The following MYO10 variants were observed in gnomAD, a reference collection of about 807,000 sequenced individuals.
MYO10 encodes unconventional myosin-X.
In MYO10, 133 loss-of-function variants were observed where a neutral mutation model predicts 257.3. The ratio of observed to expected loss-of-function variants is 0.52; its 90% CI spans 0.45 to 0.60. The LOEUF (loss-of-function observed/expected upper bound fraction) is 0.60. Among genes scored for constraint, MYO10 ranks in the 20% least tolerant of loss-of-function variants. The probability of loss-of-function intolerance (pLI) is 0.00; values close to 1 mark genes in which losing one functional copy is unlikely to be tolerated. For missense variants in MYO10, 2,399 were observed against 2,635.7 expected (o/e 0.91, Z 1.97); for synonymous variants, 1,104 against 1,028.6 (o/e 1.07, Z -1.40).
chr5:16,700,322 T>C (rs1461139817), intron 25 of MYO10, among the ~76,000 whole-genome samples: 1 of 152,070 alleles, frequency 6.6e-6, no homozygotes, highest in Non-Finnish European at 1.5e-5. Context: ...AAAAGTTCCA[T>C]TCAAATTGTA....
At chr5:16,818,240 G>T in intron 2 of MYO10, 73 bp from the exon 3 acceptor site, 1 of 1,267,906 alleles carries the variant, frequency 7.9e-7, no homozygotes, top group South Asian at 1.8e-5. Flanking sequence ...TTCCCAAACT[G>T]ACAATACAAT....
chr5:16,805,291 C>T (rs760647473), intron 3 of MYO10, among the ~76,000 whole-genome samples: 21 of 151,592 alleles, frequency 1.4e-4, no homozygotes, highest in Non-Finnish European at 2.4e-4. Context: ...GGTGAAACCC[C>T]GTCTCTACTA....
At chr5:16,909,250 C>T (rs1169202840) in intron 1 of MYO10, among the ~76,000 whole-genome samples, 4 of 151,880 alleles carry the variant, frequency 2.6e-5, no homozygotes, top group African/African-American at 7.3e-5. Flanking sequence ...GGCTCACGCC[C>T]GTAATCCCAG....
chr5:16,776,198 A>G (rs1560978693), intron 9 of MYO10, among the ~76,000 whole-genome samples: 1 of 152,094 alleles, frequency 6.6e-6, no homozygotes, highest in African/African-American at 2.4e-5. Flanking sequence ...TACCCCGCCT[A>G]TCCCCCAATT....
chr5:16,912,802 G>GCACACA (rs70943817), intron 1 of MYO10, among the ~76,000 whole-genome samples: 13,414 of 111,472 alleles, frequency 0.12, 1,101 homozygotes, highest in Non-Finnish European at 0.13. Flanking sequence ...CTACCACCCT[G>GCACACA]CACACACACA....
At chr5:16,896,554 C>G (rs1354148219) in intron 1 of MYO10, among the ~76,000 whole-genome samples, 2 of 152,104 alleles carry the variant, frequency 1.3e-5, no homozygotes, top group East Asian at 3.9e-4. Flanking sequence ...GATCGTGCCA[C>G]TGCGCTCCAG....
intron 21 of MYO10, among the ~76,000 whole-genome samples, chr5:16,705,388 T>C (rs1388867059): frequency 6.6e-6 from 1 of 152,222 alleles, no homozygotes; most frequent in Non-Finnish European, 1.5e-5. Flanking sequence ...GACACGTCCA[T>C]CCTCTGCTTA....
In MYO10 at chr5:16,696,629, G is replaced by A. The variant is rs534424362; in HGVS notation, c.3557-2015C>T. The stretch of plus-strand genomic sequence containing the variant: ...TCCCAGCACTTTGGGAGGCTGAGGC[G>A]GGTGGATCACAAGGTCAAGAGTTCA... On this transcript the variant is annotated intron_variant, in intron 26 of 40. Transcript: ENST00000513610. Among the ~76,000 whole-genome samples, 12 of 66,666 alleles carry A rather than the reference G, an allele frequency of 1.8e-4. 1 individual carries two copies. Among genetic ancestry groups the A allele is most frequent in the African/African-American group, 6.9e-4 (10 of 14,544 alleles). The allele number at this position is 66,666 out of a possible 152,430, so 43.7% of individuals were successfully genotyped here. A position where few individuals can be genotyped will look rare whatever the true frequency, so the allele number is the denominator to read the frequency against.
intron 2 of MYO10, among the ~76,000 whole-genome samples, chr5:16,838,197 C>T (rs1344765480): frequency 6.6e-6 from 1 of 152,200 alleles, no homozygotes; most frequent in South Asian, 2.1e-4. Context: ...AATGACGCAG[C>T]TGAGTGAGGA....
intron 1 of MYO10, among the ~76,000 whole-genome samples, chr5:16,929,797 G>C (rs1465095285): frequency 6.6e-6 from 1 of 152,066 alleles, no homozygotes; most frequent in Non-Finnish European, 1.5e-5. Context: ...TTTTTTTCTT[G>C]AATATTTTCA....
At chr5:16,888,191 A>G (rs925907830) in intron 1 of MYO10, among the ~76,000 whole-genome samples, 6 of 151,998 alleles carry the variant, frequency 3.9e-5, no homozygotes, top group African/African-American at 1.5e-4. Context: ...CCCCTCCCCA[A>G]TCATATACCA....
At position 16,763,868 on chromosome 5, in the gene MYO10, G is replaced by A. The variant is rs1740791929; in HGVS notation, c.1327-113C>T. On this transcript the variant is annotated intron_variant, in intron 12 of 40. Transcript: ENST00000513610. ...AGAAAAATATCAATGCCTGTTGTCT[G>A]GCACAGTGGCTCACACCTGTTATCC... is the stretch of plus-strand genomic sequence containing the variant. 2.2e-5 allele frequency: 16 copies of A among 734,458 alleles called. No individual in the cohort carries two copies. The South Asian group carries it at 3.0e-4, about 14-fold the overall frequency. 45.5% of individuals were successfully genotyped at this position (734,458 alleles called of 1,614,324 possible). A position where few individuals can be genotyped will look rare whatever the true frequency, so the allele number is the denominator to read the frequency against.
At chr5:16,880,234 T>C (rs1471965428) in intron 1 of MYO10, among the ~76,000 whole-genome samples, 1 of 121,196 alleles carries the variant, frequency 8.3e-6, no homozygotes, top group Non-Finnish European at 1.7e-5. Context: ...AAATGTTAAC[T>C]GTTACTCGGG....
At chr5:16,782,393 A>G (rs1029631061) in intron 5 of MYO10, among the ~76,000 whole-genome samples, 16 of 152,138 alleles carry the variant, frequency 1.1e-4, no homozygotes, top group African/African-American at 3.9e-4. Context: ...AGCTGTAAAC[A>G]CTACTCATGA....
intron 19 of MYO10, among the ~76,000 whole-genome samples, chr5:16,737,590 G>A (rs1004662657): frequency 6.6e-6 from 1 of 152,208 alleles, no homozygotes; most frequent in African/African-American, 2.4e-5. Context: ...TATATAACAA[G>A]TTAACTTACA....
intron 9 of MYO10, among the ~76,000 whole-genome samples, chr5:16,772,772 T>C (rs1014946806): frequency 1.1e-4 from 16 of 152,192 alleles, no homozygotes; most frequent in Admixed American, 7.8e-4. Context: ...AAGCAGTGAA[T>C]AGTGATACGT....
chr5:16,902,470 C>G (rs1175636498), intron 1 of MYO10: 1 of 1,475,692 alleles, frequency 6.8e-7, no homozygotes, highest in Non-Finnish European at 9.4e-7. Flanking sequence ...GCATCGAAGA[C>G]GCTCGCTTCA....
intron 27 of MYO10, 33 bp downstream of exon 27, chr5:16,694,338 C>T: frequency 1.2e-6 from 2 of 1,612,742 alleles, no homozygotes; most frequent in Non-Finnish European, 1.7e-6. Flanking sequence ...CCATGAGCAA[C>T]CCATCGGGCC....
chr5:16,738,144 G>A, intron 19 of MYO10: 3 of 985,384 alleles, frequency 3.0e-6, no homozygotes, highest in Non-Finnish European at 3.6e-6. Context: ...ACCTAGCCTG[G>A]AGCTGAAGGA....
Sources: gnomAD v4.1 joint callset for allele counts (sites outside exome capture counted in the v4.1 genomes callset) on GRCh38, gnomAD v4.1.1 for gene constraint, MANE v1.5 for transcripts, NCBI Gene and HGNC (gene_info 2026-07-23, HGNC 2026-07-21) for gene names.